ESR1: variants seen among roughly 807,000 people sequenced by gnomAD.
ESR1 encodes the protein estrogen receptor 1.
In ESR1, 12 loss-of-function variants were observed where a neutral mutation model predicts 52.7. The ratio of observed to expected loss-of-function variants is 0.23; its 90% CI spans 0.15 to 0.37. ESR1 has a LOEUF of 0.37. Among genes scored for constraint, ESR1 ranks in the 10% least tolerant of loss-of-function variants. The pLI, the probability that ESR1 is intolerant of heterozygous loss-of-function variation, is 1.00. For synonymous variants in ESR1, 305 were observed against 316.8 expected (o/e 0.96, Z 0.39); for missense variants, 584 against 779.7 (o/e 0.75, Z 2.99).
intron 2 of ESR1, among the ~76,000 whole-genome samples, chr6:151,759,417 A>G (rs1354480322): frequency 6.6e-6 from 1 of 152,172 alleles, no homozygotes; most frequent in Non-Finnish European, 1.5e-5. Flanking sequence ...TTAATGCTAG[A>G]TGACGAGTTA....
intron 4 of ESR1, among the ~76,000 whole-genome samples, chr6:151,992,009 C>G (rs2041070907): frequency 6.6e-6 from 1 of 152,120 alleles, no homozygotes; most frequent in Non-Finnish European, 1.5e-5. Context: ...GGCTGAGTCT[C>G]TCTGGTGTCG....
intron 4 of ESR1, among the ~76,000 whole-genome samples, chr6:152,007,343 T>C (rs1211627362): frequency 6.6e-6 from 1 of 151,920 alleles, no homozygotes; most frequent in African/African-American, 2.4e-5. Context: ...AAACCGTTAC[T>C]GTATAATGGA....
At chr6:151,825,960 G>T (rs1583496200) in intron 1 of ESR1, among the ~76,000 whole-genome samples, 1 of 151,766 alleles carries the variant, frequency 6.6e-6, no homozygotes, top group Non-Finnish European at 1.5e-5. Flanking sequence ...AGGGTTCTGG[G>T]TACTTAGGAA....
intron 3 of ESR1, among the ~76,000 whole-genome samples, chr6:151,937,281 G>A (rs1023681274): frequency 3.3e-5 from 5 of 152,118 alleles, no homozygotes; most frequent in Non-Finnish European, 7.4e-5. Context: ...ACAAAATGGC[G>A]GGTATGAGAT....
chr6:151,795,112 C>A (rs917280816), intron 2 of ESR1, among the ~76,000 whole-genome samples: 1 of 151,942 alleles, frequency 6.6e-6, no homozygotes, highest in African/African-American at 2.4e-5. Context: ...TGGAAATTGC[C>A]CCAATTTTAT....
chr6:152,127,014 A>G (rs1414459301), exon 7 of ESR1: 1 of 152,166 alleles, frequency 6.6e-6, no homozygotes, highest in East Asian at 1.9e-4. Context: ...TCCTGCCCTT[A>G]TGTGTCTTGT....
chr6:151,756,043 A>G (rs1784260426), intron 2 of ESR1, among the ~76,000 whole-genome samples: 2 of 152,098 alleles, frequency 1.3e-5, no homozygotes, highest in Non-Finnish European at 2.9e-5. Context: ...CCTTGAGTGC[A>G]TTGAACATGC....
chr6:151,878,547 G>A (rs898424567), intron 2 of ESR1, among the ~76,000 whole-genome samples: 2 of 152,046 alleles, frequency 1.3e-5, no homozygotes, highest in African/African-American at 4.8e-5. Flanking sequence ...TCTTCTAATT[G>A]GGCCTGACCC....
intron 2 of ESR1, among the ~76,000 whole-genome samples, chr6:151,713,523 A>G (rs1318738890): frequency 6.6e-6 from 1 of 152,040 alleles, no homozygotes; most frequent in African/African-American, 2.4e-5. Flanking sequence ...AGAACTTGTT[A>G]TTGGTCTGTT....
chr6:152,054,908 G>A (rs1763083672), intron 5 of ESR1, among the ~76,000 whole-genome samples: 1 of 152,200 alleles, frequency 6.6e-6, no homozygotes, highest in African/African-American at 2.4e-5. Flanking sequence ...AATCTGTAAA[G>A]CAGGGTGCTA....
At chr6:152,093,285 C>CAA (rs929426915) in intron 6 of ESR1, among the ~76,000 whole-genome samples, 2 of 131,716 alleles carry the variant, frequency 1.5e-5, no homozygotes, top group African/African-American at 2.7e-5. Context: ...AAAAAAAAAA[C>CAA]AAAAAAAAAA....
chr6:151,960,447 GGA>G (rs2037520225), intron 4 of ESR1, among the ~76,000 whole-genome samples: 2 of 152,300 alleles, frequency 1.3e-5, no homozygotes, highest in African/African-American at 4.8e-5. Context: ...AACACCTGAA[GGA>G]GGAGGTGAGA....
intron 4 of ESR1, among the ~76,000 whole-genome samples, chr6:151,992,369 A>G (rs1358389051): frequency 2.6e-5 from 4 of 151,824 alleles, no homozygotes; most frequent in Non-Finnish European, 5.9e-5. Flanking sequence ...TTCTCTTTCT[A>G]CGCGTTTAAC....
At chr6:151,979,509 C>T (rs2039790273) in intron 4 of ESR1, among the ~76,000 whole-genome samples, 2 of 151,846 alleles carry the variant, frequency 1.3e-5, no homozygotes, top group African/African-American at 4.8e-5. Context: ...GAGTTATGCC[C>T]TTATTTTAAT....
intron 1 of ESR1, among the ~76,000 whole-genome samples, chr6:151,820,113 G>A (rs1386278053): frequency 6.6e-6 from 1 of 152,144 alleles, no homozygotes; most frequent in Non-Finnish European, 1.5e-5. Flanking sequence ...GAGGATCTTG[G>A]TCCATTGATA....
At chr6:151,810,964 T>C (rs17081698) in intron 1 of ESR1, 1 of 152,116 alleles carries the variant, frequency 6.6e-6, no homozygotes, top group Non-Finnish European at 1.5e-5. Context: ...TCTTTAGTCA[T>C]TTAGGCTAAG....
chr6:152,030,898 C>T (rs1007915910), intron 5 of ESR1, among the ~76,000 whole-genome samples: 29 of 152,188 alleles, frequency 1.9e-4, no homozygotes, highest in Non-Finnish European at 3.4e-4. Flanking sequence ...GTAAAACACT[C>T]CTCAGCAAAT....
At position 152,003,340 on chromosome 6, in the gene ESR1, A is replaced by ATGTGTGTG. The variant is rs60787638; in HGVS notation, c.1097-8291_1097-8284dup. On this transcript the variant is annotated intron_variant, in intron 4 of 7. Coordinates refer to ENST00000206249, the MANE Select transcript of ESR1 (RefSeq NM_000125.4). ...TAAATGGAGGGAAAAAAGGGTAATT[A>ATGTGTGTG]TGTGTGTGTGTGTGTGTGTGTGTGT... Among the ~76,000 whole-genome samples the ATGTGTGTG allele has an allele frequency of 6.6e-3, 960 of 145,632 alleles. 7 individuals are homozygous for ATGTGTGTG. Among genetic ancestry groups the ATGTGTGTG allele is most frequent in the African/African-American group, 0.021 (847 of 39,836 alleles).
chr6:152,037,041 CAG>C (rs1009387898), intron 5 of ESR1, among the ~76,000 whole-genome samples: 1 of 152,198 alleles, frequency 6.6e-6, no homozygotes, highest in African/African-American at 2.4e-5. Flanking sequence ...TAATGTATTG[CAG>C]TGCCAATTGC....
Sources: gnomAD v4.1 joint callset for allele counts (sites outside exome capture counted in the v4.1 genomes callset) on GRCh38, gnomAD v4.1.1 for gene constraint, MANE v1.5 for transcripts, NCBI Gene and HGNC (gene_info 2026-07-23, HGNC 2026-07-21) for gene names.